The following RGS21 variants were observed in gnomAD, a reference collection of about 807,000 sequenced individuals.
RGS21 encodes the protein regulator of G-protein signalling 21.
RGS21 carries 19 observed loss-of-function variants against 18.7 expected under a neutral mutation model. The observed-to-expected ratio is 1.01, with a 90% CI of 0.71 to 1.49. The LOEUF (loss-of-function observed/expected upper bound fraction) is 1.49, where lower values mean the gene tolerates loss of function less well. Among genes scored for constraint, RGS21 ranks in the 40% most tolerant of loss-of-function variants. The probability of loss-of-function intolerance (pLI) is 0.00; values close to 1 mark genes in which losing one functional copy is unlikely to be tolerated. For synonymous variants in RGS21, 56 were observed against 57.8 expected, an observed-to-expected ratio of 0.97 and a Z score of 0.14; for missense variants, 194 against 176.8, an observed-to-expected ratio of 1.10 and a Z score of -0.55.
At chr1:192,335,630 G>A (rs2102226919) in intron 1 of RGS21, among the ~76,000 whole-genome samples, 1 of 152,274 alleles carries the variant, frequency 6.6e-6, no homozygotes, top group Admixed American at 6.5e-5. Flanking sequence ...GGATATTGCA[G>A]TAGAAAATAT....
At chr1:192,329,923 T>C (rs1658621141) in intron 1 of RGS21, among the ~76,000 whole-genome samples, 1 of 152,176 alleles carries the variant, frequency 6.6e-6, no homozygotes, top group South Asian at 2.1e-4. Context: ...TTTATACTTG[T>C]TTATAGTAAG....
intron 2 of RGS21, among the ~76,000 whole-genome samples, chr1:192,343,363 T>G (rs1051946002): frequency 1.3e-5 from 2 of 152,062 alleles, no homozygotes; most frequent in African/African-American, 4.8e-5. Context: ...TTGCAAAAAT[T>G]ATCACAACGT....
At chr1:192,322,055 G>A (rs753740867) in intron 1 of RGS21, among the ~76,000 whole-genome samples, 1 of 151,994 alleles carries the variant, frequency 6.6e-6, no homozygotes, top group East Asian at 1.9e-4. Flanking sequence ...CAAGTGGAAC[G>A]GCTAATCTAA....
intron 2 of RGS21, among the ~76,000 whole-genome samples, chr1:192,346,741 G>A (rs78640787): frequency 6.6e-6 from 1 of 152,158 alleles, no homozygotes; most frequent in Non-Finnish European, 1.5e-5. Flanking sequence ...AAATAAATCA[G>A]CTCAGAACTA....
rs143702378 is a variant in RGS21, at chr1:192,350,303, T to C, written c.89-1744T>C. ...ATTTTAATCCAGTGTTTTTAGACAC[T>C]TTAATTCTGCTCCAGGAAGTCCTTT... On this transcript the variant is annotated intron_variant, in intron 3 of 4. Coordinates refer to ENST00000417209, the MANE Select transcript of RGS21 (RefSeq NM_001039152.3). 3.3e-5 allele frequency among the ~76,000 whole-genome samples: 5 copies of C among 152,348 alleles called. No individual in the cohort carries two copies. The East Asian group carries it at 9.6e-4, about 29-fold the overall frequency.
intron 1 of RGS21, among the ~76,000 whole-genome samples, chr1:192,326,089 A>G (rs1285112533): frequency 2.6e-5 from 4 of 152,098 alleles, no homozygotes; most frequent in Non-Finnish European, 2.9e-5. Context: ...TGCAAATATT[A>G]CAACTTAAAT....
chr1:192,339,212 C>T (rs183770780), intron 1 of RGS21, among the ~76,000 whole-genome samples: 4 of 145,170 alleles, frequency 2.8e-5, no homozygotes, highest in African/African-American at 5.0e-5. Context: ...ACAATCAAAT[C>T]GGCATTTTTT....
chr1:192,345,754 G>T (rs1378575212), intron 2 of RGS21, among the ~76,000 whole-genome samples: 1 of 151,934 alleles, frequency 6.6e-6, no homozygotes, highest in East Asian at 1.9e-4. Context: ...TGAATACCCT[G>T]CTAGCAGCCA....
intron 4 of RGS21, among the ~76,000 whole-genome samples, chr1:192,359,737 G>A (rs1659161709): frequency 6.9e-6 from 1 of 145,400 alleles, no homozygotes; most frequent in Admixed American, 6.9e-5. Flanking sequence ...TATATATAGA[G>A]AGACAGTTAT....
chr1:192,324,595 G>C (rs1391574710), intron 1 of RGS21, among the ~76,000 whole-genome samples: 1 of 138,548 alleles, frequency 7.2e-6, no homozygotes, highest in African/African-American at 2.9e-5. Flanking sequence ...ACAGAGGAAT[G>C]TGTGTATGTG....
chr1:192,362,895 C>T (rs554333375), intron 4 of RGS21, among the ~76,000 whole-genome samples: 4 of 152,104 alleles, frequency 2.6e-5, no homozygotes, highest in African/African-American at 9.6e-5. Flanking sequence ...GTGTGCAAGG[C>T]ATACTAAAGG....
In RGS21 at chr1:192,365,868, T is replaced by C. The variant is rs549037051; in HGVS notation, c.256-53T>C. The C allele has an allele frequency of 1.1e-5, 11 of 995,254 alleles. No individual in the cohort carries two copies. In the Admixed American group the frequency reaches 1.6e-4, roughly 14 times the overall value. The allele number at this position is 995,254 out of a possible 1,614,324, so 61.7% of individuals were successfully genotyped here. On this transcript the variant is annotated intron_variant, in intron 4 of 4. Coordinates refer to ENST00000417209, the MANE Select transcript of RGS21 (RefSeq NM_001039152.3). The stretch of plus-strand genomic sequence containing the variant: ...TTTTAAATAATATATATGTATAAAC[T>C]ATACATTCTTTGATTAAACTAATTC...
chr1:192,319,672 A>G (rs1461732064), intron 1 of RGS21, among the ~76,000 whole-genome samples: 1 of 152,104 alleles, frequency 6.6e-6, no homozygotes, highest in African/African-American at 2.4e-5. Context: ...GTGATTATTC[A>G]GGCTACTTTT....
chr1:192,324,517 A>G (rs1658539471), intron 1 of RGS21, among the ~76,000 whole-genome samples: 1 of 152,086 alleles, frequency 6.6e-6, no homozygotes, highest in Non-Finnish European at 1.5e-5. Flanking sequence ...TGAATTTCAC[A>G]TTGGAAAAAA....
chr1:192,334,553 A>T (rs970350930), intron 1 of RGS21, among the ~76,000 whole-genome samples: 2 of 152,114 alleles, frequency 1.3e-5, no homozygotes, highest in African/African-American at 4.8e-5. Flanking sequence ...AACTTGATAA[A>T]ATAAAAAAGA....
At chr1:192,340,132 C>A (rs1026575324) in intron 1 of RGS21, among the ~76,000 whole-genome samples, 1 of 151,962 alleles carries the variant, frequency 6.6e-6, no homozygotes, top group Non-Finnish European at 1.5e-5. Context: ...CCTATGATTT[C>A]TTGTACAAGT....
rs566220025 is a variant in RGS21 at position 192,340,137 on chromosome 1, A to G, written c.-60-2840A>G. On this transcript the variant is annotated intron_variant, in intron 1 of 4. Transcript: ENST00000417209. ...TCCTCCAGCACCTATGATTTCTTGTACAAGTATTTAAAAATATTGCAGAAT... is the reference window on the plus strand; with the variant it reads ...TCCTCCAGCACCTATGATTTCTTGTGCAAGTATTTAAAAATATTGCAGAAT... Among the ~76,000 whole-genome samples the G allele has an allele frequency of 1.6e-3, 238 of 152,140 alleles. 1 individual carries two copies. Among genetic ancestry groups the G allele is most frequent in the Admixed American group, 3.9e-3 (59 of 15,240 alleles).
chr1:192,320,987 C>A (rs1321947480), intron 1 of RGS21, among the ~76,000 whole-genome samples: 2 of 151,918 alleles, frequency 1.3e-5, no homozygotes, highest in African/African-American at 4.8e-5. Context: ...GACTGTATAA[C>A]AGGTAATATT....
chr1:192,366,238 A>G lies in RGS21; in HGVS notation c.*114A>G, dbSNP rs1227929645. 23 of 675,854 alleles carry G rather than the reference A, an allele frequency of 3.4e-5. No individual in the cohort carries two copies. Among genetic ancestry groups the G allele is most frequent in the Non-Finnish European group, 4.6e-5 (18 of 393,856 alleles). 41.9% of individuals were successfully genotyped at this position (675,854 alleles called of 1,614,324 possible). A position where few individuals can be genotyped will look rare whatever the true frequency, so the allele number is the denominator to read the frequency against. On this transcript the variant is annotated 3_prime_UTR_variant, in exon 5 of 5. Transcript: ENST00000417209. ...AGGATTTAGAAAACATTTTTTACCC[A>G]AACAGATGAATAACGTTTTATACAA...
Sources: gnomAD v4.1 joint callset for allele counts (sites outside exome capture counted in the v4.1 genomes callset) on GRCh38, gnomAD v4.1.1 for gene constraint, MANE v1.5 for transcripts, NCBI Gene and HGNC (gene_info 2026-07-23, HGNC 2026-07-21) for gene names.